Variants in HELZ observed in about 807,000 individuals in gnomAD.
The protein encoded by HELZ is helicase with zinc finger.
In HELZ, 23 loss-of-function variants were observed where a neutral mutation model predicts 218.2. That is an observed-to-expected ratio of 0.11 (90% CI 0.08 to 0.15). The LOEUF is 0.15. Ranked by LOEUF, HELZ falls within the 10% of genes least tolerant of loss-of-function variation. The probability of loss-of-function intolerance (pLI) is 1.00; values close to 1 mark genes in which losing one functional copy is unlikely to be tolerated. For synonymous variants in HELZ, 814 were observed against 829.4 expected (o/e 0.98, Z 0.32); for missense variants, 1,813 against 2,353.7 (o/e 0.77, Z 4.75).
intron 3 of HELZ, chr17:67,224,843 GT>G (rs2040847900): frequency 6.1e-6 from 6 of 981,798 alleles, no homozygotes; most frequent in Non-Finnish European, 9.6e-6. Context: ...GGAAAGCAGC[GT>G]TATGACATGA....
chr17:67,245,177 C>G lies in HELZ; in HGVS notation c.-161G>C. The G allele has an allele frequency of 1.0e-6, 1 of 985,288 alleles. No homozygotes were observed. Among genetic ancestry groups the G allele is most frequent in the Non-Finnish European group, 1.2e-6 (1 of 829,936 alleles). 61.0% of individuals were successfully genotyped at this position (985,288 alleles called of 1,614,324 possible). ...CATTACTTTCTACGCCATCTTGGATCCACTTGTCAACGTCCCCACAAAGCA... is the reference window on the plus strand; with the variant it reads ...CATTACTTTCTACGCCATCTTGGATGCACTTGTCAACGTCCCCACAAAGCA... On this transcript the variant is annotated 5_prime_UTR_variant, in exon 1 of 33. Transcript: ENST00000358691.
intron 13 of HELZ, among the ~76,000 whole-genome samples, chr17:67,176,128 TAGAGA>T (rs1387985408): frequency 6.6e-6 from 1 of 152,194 alleles, no homozygotes; most frequent in Non-Finnish European, 1.5e-5. Context: ...ATTTCAAAAG[TAGAGA>T]AAACTATTAC....
At chr17:67,146,424 G>C (rs2038498795) in intron 20 of HELZ, among the ~76,000 whole-genome samples, 2 of 152,178 alleles carry the variant, frequency 1.3e-5, no homozygotes, top group Non-Finnish European at 1.5e-5. Flanking sequence ...GGAGCCAACA[G>C]GCCATTTACA....
chr17:67,148,691 C>T lies in HELZ; in HGVS notation c.2499G>A (p.Glu833=). 6.2e-7 allele frequency: 1 copy of T among 1,613,334 alleles called. No individual in the cohort carries two copies. The highest frequency in any genetic ancestry group is 8.5e-7 in the Non-Finnish European group (1 of 1,179,598). ...CGTGAAGGTTTCTCTCCCTGGCAAA[C>T]TCGCTGTAAACAAAAGGACTGAGCT... is the stretch of plus-strand genomic sequence containing the variant. The part of the protein sequence containing the change: ...HMQLSPFVYS[E]FARERNLHVS... The change falls in exon 20 of 33, where the codon GAG becomes GAA. Residue 833 remains glutamate (E), a synonymous_variant. Coordinates refer to ENST00000358691, the MANE Select transcript of HELZ (RefSeq NM_014877.4).
intron 4 of HELZ, among the ~76,000 whole-genome samples, chr17:67,217,472 A>G (rs1204768163): frequency 4.6e-5 from 7 of 152,160 alleles, no homozygotes; most frequent in Admixed American, 4.6e-4. Context: ...GTTTATTCTC[A>G]GCACAAAAGT....
rs962285142 is a variant in HELZ, at chr17:67,073,823, G to C, written c.*4429C>G. Reference sequence around the variant, plus strand: ...TGGTCTTGACATTACTGATTAAAAAGGTATGAAAGTAGAAAGTGTGAATTT... The same window carrying C: ...TGGTCTTGACATTACTGATTAAAAACGTATGAAAGTAGAAAGTGTGAATTT... On this transcript the variant is annotated 3_prime_UTR_variant, in exon 33 of 33. Coordinates refer to ENST00000358691, the MANE Select transcript of HELZ (RefSeq NM_014877.4). 5.3e-5 allele frequency: 8 copies of C among 152,184 alleles called. No individual in the cohort carries two copies. The East Asian group carries it at 1.4e-3, about 26-fold the overall frequency. 9.4% of individuals were successfully genotyped at this position (152,184 alleles called of 1,614,324 possible). A position where few individuals can be genotyped will look rare whatever the true frequency, so the allele number is the denominator to read the frequency against.
Position 67,107,571 on chromosome 17 carries a change from T to C in HELZ, c.4839A>G (p.Arg1613=), listed in dbSNP as rs2037145855. ...GGGGAGATGGGACTGCTGGTGGGCT[T>C]CTACTCTGTACTTGTCTATATTGCA... ...RLLQYRQVQS[R]SPPAVPSPPS... Residue 1613 remains arginine, a synonymous_variant, in exon 31 of 33, where the codon AGA becomes AGG. Transcript: ENST00000358691. The C allele has an allele frequency of 2.5e-6, 4 of 1,614,202 alleles. No individual in the cohort carries two copies. In the East Asian group the frequency reaches 8.9e-5, roughly 36 times the overall value.
chr17:67,159,785 T>C (rs994376171), intron 17 of HELZ, among the ~76,000 whole-genome samples: 5 of 152,204 alleles, frequency 3.3e-5, no homozygotes, highest in African/African-American at 1.2e-4. Flanking sequence ...GTCAAGTACA[T>C]TTTGTTGCAG....
intron 23 of HELZ, among the ~76,000 whole-genome samples, chr17:67,133,241 G>A (rs2143921470): frequency 6.6e-6 from 1 of 152,158 alleles, no homozygotes; most frequent in South Asian, 2.1e-4. Flanking sequence ...TCCCAGCTGA[G>A]TAGTAAGAAA....
intron 8 of HELZ, 70 bp from the exon 9 acceptor site, chr17:67,194,112 G>T: frequency 1.9e-6 from 2 of 1,047,386 alleles, no homozygotes; most frequent in East Asian, 2.5e-5. Flanking sequence ...TAATGTGTAA[G>T]AGATACTACA....
At chr17:67,227,999 A>G (rs1317352226) in intron 3 of HELZ, among the ~76,000 whole-genome samples, 2 of 152,226 alleles carry the variant, frequency 1.3e-5, no homozygotes, top group Non-Finnish European at 2.9e-5. Context: ...TCTAAATTCA[A>G]GATGATTTCT....
In HELZ at chr17:67,084,295, G is replaced by A. The variant is rs544727901; in HGVS notation, c.5494+2534C>T. On this transcript the variant is annotated intron_variant, in intron 32 of 32. Transcript: ENST00000358691. The stretch of plus-strand genomic sequence containing the variant: ...ACAAATGACATGAGCATTTGCTCAG[G>A]AACTTTCTACCTTATCAGCTTGGGT... Among the ~76,000 whole-genome samples the A allele has an allele frequency of 7.2e-5, 11 of 152,278 alleles. No individual in the cohort carries two copies. In the South Asian group the frequency reaches 1.9e-3, roughly 26 times the overall value.
intron 12 of HELZ, among the ~76,000 whole-genome samples, chr17:67,183,409 TAA>T (rs2039665353): frequency 6.6e-6 from 1 of 152,236 alleles, no homozygotes; most frequent in Non-Finnish European, 1.5e-5. Context: ...ACAAACTATT[TAA>T]GTCTATTTTT....
At chr17:67,100,020 T>C (rs1409903780) in intron 31 of HELZ, among the ~76,000 whole-genome samples, 2 of 152,328 alleles carry the variant, frequency 1.3e-5, no homozygotes, top group East Asian at 3.9e-4. Context: ...AGAAGCTATG[T>C]CAGAGAAGAC....
At position 67,245,135 on chromosome 17, in the gene HELZ, A is replaced by T; in HGVS notation, c.-132+13T>A. On this transcript the variant is annotated intron_variant, in intron 1 of 32. Transcript: ENST00000358691. ...CGGCCCCAGGAGCAGAGAAGGGGGAAGTCAGGACTTACCTGTCATTACTTT... is the reference window on the plus strand; with the variant it reads ...CGGCCCCAGGAGCAGAGAAGGGGGATGTCAGGACTTACCTGTCATTACTTT... 2.0e-6 allele frequency: 2 copies of T among 984,978 alleles called. No homozygotes were observed. Among genetic ancestry groups the T allele is most frequent in the South Asian group, 9.4e-5 (2 of 21,282 alleles). 61.0% of individuals were successfully genotyped at this position (984,978 alleles called of 1,614,324 possible). A position where few individuals can be genotyped will look rare whatever the true frequency, so the allele number is the denominator to read the frequency against.
At chr17:67,115,879 C>T (rs1327386457) in intron 27 of HELZ, among the ~76,000 whole-genome samples, 1 of 152,012 alleles carries the variant, frequency 6.6e-6, no homozygotes. Context: ...AGAAAAATTA[C>T]TAGAAATGGT....
intron 13 of HELZ, 70 bp downstream of exon 13, chr17:67,178,589 C>G: frequency 7.7e-7 from 1 of 1,303,494 alleles, no homozygotes; most frequent in Non-Finnish European, 1.1e-6. Flanking sequence ...GGCACACTTT[C>G]ATTTTAAAGA....
chr17:67,106,198 C>T (rs1340278457), intron 31 of HELZ, among the ~76,000 whole-genome samples: 2 of 151,816 alleles, frequency 1.3e-5, no homozygotes, highest in Admixed American at 6.6e-5. Context: ...TTGTAGCCTA[C>T]ACCACATGGT....
At chr17:67,167,834 A>T (rs566554268) in intron 13 of HELZ, 38 bp from the exon 14 acceptor site, 1 of 1,321,594 alleles carries the variant, frequency 7.6e-7, no homozygotes, top group Non-Finnish European at 1.1e-6. Flanking sequence ...AATATTTTAC[A>T]TCAAAAATAT....
Sources: allele counts gnomAD v4.1 joint callset (sites outside exome capture counted in the v4.1 genomes callset), GRCh38; gene constraint gnomAD v4.1.1; transcripts MANE v1.5; gene names NCBI Gene and HGNC (gene_info 2026-07-23, HGNC 2026-07-21).